The following GCM1 variants were observed in gnomAD, a reference collection of about 807,000 sequenced individuals.
The protein encoded by GCM1 is GCM transcription factor 1, also known as chorion-specific transcription factor GCMa.
GCM1 carries 2 observed loss-of-function variants against 25.7 expected under a neutral mutation model. The ratio of observed to expected loss-of-function variants is 0.08; its 90% CI spans 0.03 to 0.24. The LOEUF (loss-of-function observed/expected upper bound fraction) is 0.24. GCM1 is among the 10% of genes least tolerant of loss of function. The pLI is 1.00. For synonymous variants in GCM1, 183 were observed against 195.7 expected (o/e 0.94, Z 0.54); for missense variants, 395 against 538.7 (o/e 0.73, Z 2.64).
chr6:53,128,384 G>T lies in GCM1; in HGVS notation c.1133C>A (p.Ser378Tyr). 6.2e-7 allele frequency: 1 copy of T among 1,613,814 alleles called. No individual in the cohort carries two copies. The highest frequency in any genetic ancestry group is 1.1e-5 in the South Asian group (1 of 91,066). ...VHVDFNSYVQ[S>Y]PAYHSPQEDP... ...TTCTTGAGGTGAATGGTATGCAGGA[G>T]ACTGGACGTAGCTGTTAAAATCCAC... The change falls in exon 6 of 6, where the codon TCT (serine) becomes TAT (tyrosine). Residue 378 changes from serine to tyrosine, a missense_variant. Around this residue, in one of 5 missense-constraint regions of GCM1, gnomAD observed 291 missense variants for 314.6 expected, o/e 0.92. Coordinates refer to ENST00000259803, the MANE Select transcript of GCM1 (RefSeq NM_003643.4).
At chr6:53,139,610 G>A (rs1325366077) in intron 2 of GCM1, among the ~76,000 whole-genome samples, 1 of 151,982 alleles carries the variant, frequency 6.6e-6, no homozygotes, top group African/African-American at 2.4e-5. Context: ...GCTCAGGCCT[G>A]TAATCCCGGC....
intron 2 of GCM1, among the ~76,000 whole-genome samples, chr6:53,134,656 A>G (rs961724511): frequency 6.6e-6 from 1 of 152,322 alleles, no homozygotes; most frequent in Non-Finnish European, 1.5e-5. Flanking sequence ...AAGTAATGCT[A>G]TGCTCTTACA....
chr6:53,140,138 G>A (rs1191656336), intron 2 of GCM1, among the ~76,000 whole-genome samples: 1 of 152,146 alleles, frequency 6.6e-6, no homozygotes, highest in Non-Finnish European at 1.5e-5. Flanking sequence ...TATAGGTAGA[G>A]CTCTCAGGGA....
chr6:53,139,495 C>CAAAAAA (rs58094365), intron 2 of GCM1, among the ~76,000 whole-genome samples: 1 of 105,810 alleles, frequency 9.5e-6, no homozygotes, highest in African/African-American at 3.6e-5. Context: ...ACCCCCATCT[C>CAAAAAA]AAAAAAAAAA....
Position 53,134,238 on chromosome 6 carries a change from C to T in GCM1, c.162G>A (p.Arg54=). The T allele has an allele frequency of 1.2e-6, 2 of 1,614,120 alleles. No individual in the cohort carries two copies. The highest frequency in any genetic ancestry group is 1.7e-6 in the Non-Finnish European group (2 of 1,179,992). Reference sequence around the variant, plus strand: ...TGCGCATGGCCCAGCTGCTCAGGTGCCGCTGCGCATTCTTGTCCTCCGAGC... The same window carrying T: ...TGCGCATGGCCCAGCTGCTCAGGTGTCGCTGCGCATTCTTGTCCTCCGAGC... The part of the protein sequence containing the change: ...IYSSEDKNAQ[R]HLSSWAMRNT... The change falls in exon 3 of 6, where the codon CGG becomes CGA. Residue 54 remains arginine (R), a synonymous_variant. Transcript: ENST00000259803.
intron 5 of GCM1, among the ~76,000 whole-genome samples, chr6:53,129,713 A>G (rs1188186349): frequency 6.6e-6 from 1 of 152,114 alleles, no homozygotes; most frequent in Non-Finnish European, 1.5e-5. Flanking sequence ...TCTATTTCTT[A>G]GTGCTGGTTG....
At chr6:53,131,881 G>C (rs1042486742) in intron 4 of GCM1, 126 bp downstream of exon 4, 1 of 688,006 alleles carries the variant, frequency 1.5e-6, no homozygotes, top group Non-Finnish European at 2.7e-6. Context: ...GCAGGGGACA[G>C]ATACTTGCTC....
intron 2 of GCM1, among the ~76,000 whole-genome samples, chr6:53,142,539 T>C (rs1763890250): frequency 2.0e-5 from 3 of 152,136 alleles, no homozygotes; most frequent in Admixed American, 2.0e-4. Flanking sequence ...CTACAGAATA[T>C]ATTTAGGGAA....
At position 53,134,322 on chromosome 6, in the gene GCM1, G is replaced by A. The variant is rs984489102; in HGVS notation, c.78C>T (p.Asn26=). The A allele has an allele frequency of 8.7e-6, 14 of 1,612,892 alleles. No homozygotes were observed. In the East Asian group the frequency reaches 1.3e-4, roughly 15 times the overall value. The part of the protein sequence containing the change: ...WDINDVKLPQ[N]VKKTDWFQEW... ...CCTGGAACCAGTCGGTTTTTTTCAC[G>A]TTCTGATAGAAACACAAAAGATACG... is the stretch of plus-strand genomic sequence containing the variant. The change falls in exon 3 of 6, where the codon AAC becomes AAT. Residue 26 remains asparagine (N), a splice_region_variant and synonymous_variant. Transcript: ENST00000259803.
chr6:53,145,904 G>A, intron 1 of GCM1, 136 bp from the exon 2 acceptor site: 1 of 360,862 alleles, frequency 2.8e-6, no homozygotes, highest in Admixed American at 4.7e-5. Flanking sequence ...AAACATAGGA[G>A]CCATAAGTGA....
intron 2 of GCM1, among the ~76,000 whole-genome samples, chr6:53,143,834 G>T: frequency 6.7e-6 from 1 of 148,820 alleles, no homozygotes. Context: ...GGGGTGGTGA[G>T]AGGGGTAGAG....
intron 2 of GCM1, among the ~76,000 whole-genome samples, chr6:53,141,182 A>G (rs1169567623): frequency 2.0e-5 from 3 of 152,190 alleles, no homozygotes; most frequent in East Asian, 3.8e-4. Flanking sequence ...GCATTTCCAC[A>G]GAAGTTAACA....
chr6:53,148,582 A>G (rs930287989), intron 1 of GCM1, among the ~76,000 whole-genome samples, 172 bp downstream of exon 1: 1 of 152,244 alleles, frequency 6.6e-6, no homozygotes, highest in Admixed American at 6.5e-5. Context: ...TCTAGGATTG[A>G]AAAACTACAC....
chr6:53,145,240 T>C (rs945206343), intron 2 of GCM1, among the ~76,000 whole-genome samples: 2 of 152,214 alleles, frequency 1.3e-5, no homozygotes, highest in Non-Finnish European at 2.9e-5. Context: ...TATGGCCAAA[T>C]AAATCATCAC....
At chr6:53,131,848 C>A in intron 4 of GCM1, 159 bp downstream of exon 4, 3 of 627,112 alleles carry the variant, frequency 4.8e-6, no homozygotes, top group South Asian at 1.9e-5. Flanking sequence ...AGCTCCCCAG[C>A]ACTTCAAACA....
In GCM1 at chr6:53,128,970, G is replaced by A. The variant is rs369083207; in HGVS notation, c.571-24C>T. ...GACTGGAAAGGAAAGTGAAATGCTC[G>A]TGTTAATAAGTTAAGCAAATCAAAA... On this transcript the variant is annotated intron_variant, in intron 5 of 5. Coordinates refer to ENST00000259803, the MANE Select transcript of GCM1 (RefSeq NM_003643.4). 1.4e-4 allele frequency: 225 copies of A among 1,594,396 alleles called. 2 individuals carry two copies. In the South Asian group the frequency reaches 1.8e-3, roughly 12 times the overall value.
Position 53,127,010 on chromosome 6 carries a change from T to G in GCM1, c.*1196A>C, listed in dbSNP as rs1440235701. 6.6e-6 allele frequency: 1 copy of G among 152,182 alleles called. No individual in the cohort carries two copies. Among genetic ancestry groups the G allele is most frequent in the Non-Finnish European group, 1.5e-5 (1 of 68,034 alleles). 9.4% of individuals were successfully genotyped at this position (152,182 alleles called of 1,614,324 possible). On this transcript the variant is annotated 3_prime_UTR_variant, in exon 6 of 6. Transcript: ENST00000259803. ...TGCATGGTTCTCTCCAGATTTTATG[T>G]CTAGGCTTACTTTTATCATAAAGTA...
chr6:53,132,031 G>A lies in GCM1; in HGVS notation c.417C>T (p.His139=), dbSNP rs779580868. ...GGFPVTNFWR[H]DGRFIFFQSK... ...CCTGGAAAAATATAAAGCGTCCGTC[G>A]TGCCTCCAGAAGTTGGTGACCGGGA... is the stretch of plus-strand genomic sequence containing the variant. The change falls in exon 4 of 6, where the codon CAC becomes CAT. Residue 139 remains histidine, a synonymous_variant. Coordinates refer to ENST00000259803, the MANE Select transcript of GCM1 (RefSeq NM_003643.4). 44 of 1,608,522 alleles carry A rather than the reference G, an allele frequency of 2.7e-5. No homozygotes were observed. The highest frequency in any genetic ancestry group is 6.6e-5 in the South Asian group (6 of 90,976).
chr6:53,142,023 A>G (rs1763881024), intron 2 of GCM1, among the ~76,000 whole-genome samples: 2 of 139,226 alleles, frequency 1.4e-5, no homozygotes, highest in East Asian at 2.1e-4. Flanking sequence ...AAAAAAAAAA[A>G]AAAAAAAAAA....
Sources: allele counts gnomAD v4.1 joint callset (sites outside exome capture counted in the v4.1 genomes callset), GRCh38; gene constraint gnomAD v4.1.1; regional missense constraint gnomAD v4.1.1; transcripts MANE v1.5; gene names NCBI Gene and HGNC (gene_info 2026-07-23, HGNC 2026-07-21).